The following GABRB3 variants were observed in gnomAD, a reference collection of about 807,000 sequenced individuals.
GABRB3 encodes the protein gamma-aminobutyric acid receptor subunit beta-3.
In GABRB3, 14 loss-of-function variants were observed where a neutral mutation model predicts 52.1. That is an observed-to-expected ratio of 0.27 (90% CI 0.18 to 0.42). The LOEUF is 0.42. GABRB3 is among the 10% of genes least tolerant of loss of function. The probability of loss-of-function intolerance (pLI) is 1.00; values close to 1 mark genes in which losing one functional copy is unlikely to be tolerated. For missense variants in GABRB3, 307 were observed against 609.1 expected (o/e 0.50, Z 5.22); for synonymous variants, 260 against 232.3 (o/e 1.12, Z -1.08).
At chr15:26,551,207 T>A (rs1889449268) in intron 8 of GABRB3, among the ~76,000 whole-genome samples, 1 of 152,172 alleles carries the variant, frequency 6.6e-6, no homozygotes, top group South Asian at 2.1e-4. Context: ...TGAAAGAATT[T>A]CAATTTAACT....
At position 26,624,157 on chromosome 15, in the gene GABRB3, G is replaced by C. The variant is rs554256569; in HGVS notation, c.241-2623C>G. Reference sequence around the variant, plus strand: ...GACACTGGGCTGATGCAGAACATCAGGATGAGAATGCACCTTCACAGGGCA... The same window carrying C: ...GACACTGGGCTGATGCAGAACATCACGATGAGAATGCACCTTCACAGGGCA... On this transcript the variant is annotated intron_variant, in intron 3 of 8. Coordinates refer to ENST00000311550, the MANE Select transcript of GABRB3 (RefSeq NM_000814.6). 4.9e-5 allele frequency: 48 copies of C among 975,292 alleles called. No individual in the cohort carries two copies. The African/African-American group carries it at 7.9e-4, about 16-fold the overall frequency. The allele number at this position is 975,292 out of a possible 1,614,324, so 60.4% of individuals were successfully genotyped here.
intron 6 of GABRB3, 54 bp downstream of exon 6, chr15:26,580,265 C>A (rs2140730131): frequency 6.2e-7 from 1 of 1,609,872 alleles, no homozygotes; most frequent in Non-Finnish European, 8.5e-7. Flanking sequence ...TCACTCCAGT[C>A]ACGCCCATGG....
intron 3 of GABRB3, among the ~76,000 whole-genome samples, chr15:26,670,544 C>T (rs1023061647): frequency 1.3e-5 from 2 of 152,194 alleles, no homozygotes; most frequent in South Asian, 2.1e-4. Flanking sequence ...CGCAGCTCCA[C>T]GCCAGCTCTC....
At chr15:26,720,326 G>T (rs988445175) in intron 3 of GABRB3, among the ~76,000 whole-genome samples, 1 of 152,094 alleles carries the variant, frequency 6.6e-6, no homozygotes. Flanking sequence ...CTCTTCACAC[G>T]GACGTGAGTG....
At chr15:26,585,178 G>A (rs1595460270) in intron 4 of GABRB3, among the ~76,000 whole-genome samples, 1 of 152,302 alleles carries the variant, frequency 6.6e-6, no homozygotes, top group South Asian at 2.1e-4. Flanking sequence ...AGCCTGTGCA[G>A]GAGTTGTGTA....
rs752024178 is a variant in GABRB3, at chr15:26,546,467, C to T, written c.*1326G>A. ...AGTGACTGTGTTTGCTGTCAGGTTG[C>T]CCTCCTTTGCCTCAGAGAACGGTCA... On this transcript the variant is annotated 3_prime_UTR_variant, in exon 9 of 9. Coordinates refer to ENST00000311550, the MANE Select transcript of GABRB3 (RefSeq NM_000814.6). 6.6e-6 allele frequency: 1 copy of T among 152,516 alleles called. No homozygotes were observed. 9.4% of individuals were successfully genotyped at this position (152,516 alleles called of 1,614,324 possible).
chr15:26,772,895 C>T lies in GABRB3; in HGVS notation c.68G>A (p.Cys23Tyr). The change falls in exon 1 of 9, where the codon TGC becomes TAC. Residue 23 changes from cysteine to tyrosine, a missense_variant. Coordinates refer to ENST00000311550, the MANE Select transcript of GABRB3 (RefSeq NM_000814.6). ...CCCGCGACCCTACCTCTGGGCGCAG[C>T]ACACCACAGCCACCAGCACCGGGGC... ...FSAPVLVAVV[C>Y]CAQSVNDPGN... is the part of the protein sequence containing the mutation. 6.7e-7 allele frequency: 1 copy of T among 1,495,788 alleles called. No homozygotes were observed. Among genetic ancestry groups the T allele is most frequent in the Non-Finnish European group, 8.9e-7 (1 of 1,121,924 alleles). The allele number at this position is 1,495,788 out of a possible 1,614,324, so 92.7% of individuals were successfully genotyped here.
At chr15:26,624,710 T>G in intron 3 of GABRB3, 1 of 984,040 alleles carries the variant, frequency 1.0e-6, no homozygotes, top group African/African-American at 1.7e-5. Flanking sequence ...TGGCAAGGAC[T>G]ATCACATCAG....
rs570622138 is a variant in GABRB3, at chr15:26,747,267, C to T, written c.240+25135G>A. Reference sequence around the variant, plus strand: ...TATGTTTGTCTGTGTGTACAAAAATCCTTGCTGGGACTTTGATAGGGACTG... The same window carrying T: ...TATGTTTGTCTGTGTGTACAAAAATTCTTGCTGGGACTTTGATAGGGACTG... On this transcript the variant is annotated intron_variant, in intron 3 of 8. Coordinates refer to ENST00000311550, the MANE Select transcript of GABRB3 (RefSeq NM_000814.6). Among the ~76,000 whole-genome samples the T allele has an allele frequency of 2.7e-3, 404 of 152,306 alleles. 1 individual carries two copies. The highest frequency in any genetic ancestry group is 4.8e-3 in the Non-Finnish European group (328 of 68,026).
intron 3 of GABRB3, among the ~76,000 whole-genome samples, chr15:26,690,106 A>ATTTTTTTTT (rs56143305): frequency 4.4e-4 from 61 of 137,486 alleles, no homozygotes; most frequent in African/African-American, 1.4e-3. Flanking sequence ...AGGTACACGG[A>ATTTTTTTTT]TTTTTTTTTT....
intron 3 of GABRB3, among the ~76,000 whole-genome samples, chr15:26,652,294 G>T: frequency 6.6e-6 from 1 of 152,162 alleles, no homozygotes; most frequent in South Asian, 2.1e-4. Context: ...AATTTTATCT[G>T]CAATTCACAT....
intron 3 of GABRB3, among the ~76,000 whole-genome samples, chr15:26,669,036 G>A (rs1887679619): frequency 6.6e-6 from 1 of 152,104 alleles, no homozygotes; most frequent in South Asian, 2.1e-4. Context: ...GGAAAGTCCT[G>A]GTGTCAAACT....
rs546613809 is a variant in GABRB3 at position 26,560,802 on chromosome 15, T to A, written c.1080+130A>T. The A allele has an allele frequency of 2.1e-5, 29 of 1,370,170 alleles. No individual in the cohort carries two copies. The Admixed American group carries it at 4.6e-4, about 22-fold the overall frequency. The allele number at this position is 1,370,170 out of a possible 1,614,324, so 84.9% of individuals were successfully genotyped here. On this transcript the variant is annotated intron_variant, in intron 8 of 8. Coordinates refer to ENST00000311550, the MANE Select transcript of GABRB3 (RefSeq NM_000814.6). ...TGGGTGCCATGTCATAAGGGCTATA[T>A]CACAAGTACAAGAAGGGTGTGTGGC...
intron 6 of GABRB3, among the ~76,000 whole-genome samples, chr15:26,579,345 T>C (rs1233096305): frequency 6.6e-6 from 1 of 152,064 alleles, no homozygotes; most frequent in African/African-American, 2.4e-5. Context: ...TAATCCAGCC[T>C]GGGGGGCTGT....
intron 3 of GABRB3, among the ~76,000 whole-genome samples, chr15:26,682,008 C>T (rs1888255613): frequency 1.3e-5 from 2 of 152,234 alleles, no homozygotes; most frequent in Admixed American, 1.3e-4. Context: ...TAACTACTTG[C>T]TTCTGTTTAC....
At chr15:26,740,027 TA>T (rs1043812473) in intron 3 of GABRB3, among the ~76,000 whole-genome samples, 1 of 152,154 alleles carries the variant, frequency 6.6e-6, no homozygotes, top group Non-Finnish European at 1.5e-5. Flanking sequence ...CCCTTGCTTT[TA>T]AACAACGTGT....
intron 3 of GABRB3, among the ~76,000 whole-genome samples, chr15:26,711,794 C>A (rs1252180759): frequency 6.6e-6 from 1 of 152,098 alleles, no homozygotes; most frequent in African/African-American, 2.4e-5. Context: ...AATGAAGTAG[C>A]GAACGTAATG....
At chr15:26,661,199 A>G (rs1208222948) in intron 3 of GABRB3, among the ~76,000 whole-genome samples, 1 of 152,196 alleles carries the variant, frequency 6.6e-6, no homozygotes, top group Non-Finnish European at 1.5e-5. Context: ...ATGGTTCCTA[A>G]TCACCAGCTG....
In GABRB3 at chr15:26,603,461, TAAAAC is replaced by T. The variant is rs1397107182; in HGVS notation, c.461+17848_461+17852del. Among the ~76,000 whole-genome samples the T allele has an allele frequency of 4.0e-5, 6 of 151,358 alleles. No individual in the cohort carries two copies. In the East Asian group the frequency reaches 7.8e-4, roughly 20 times the overall value. On this transcript the variant is annotated intron_variant, in intron 4 of 8. Transcript: ENST00000311550. ...GAAAAATATATACAAAAACAAAAAA[TAAAAC>T]AAACAAAAAATAACTAAAGGCCAAT...
Sources: allele counts gnomAD v4.1 joint callset (sites outside exome capture counted in the v4.1 genomes callset), GRCh38; gene constraint gnomAD v4.1.1; transcripts MANE v1.5; gene names NCBI Gene and HGNC (gene_info 2026-07-23, HGNC 2026-07-21).